AHNAK: variants seen among roughly 807,000 people sequenced by gnomAD.
The protein encoded by AHNAK is neuroblast differentiation-associated protein AHNAK.
A neutral mutation model predicts 37.8 loss-of-function variants in AHNAK; 23 were observed. The ratio of observed to expected loss-of-function variants is 0.61; its 90% confidence interval spans 0.44 to 0.86. The LOEUF is 0.86. Ranked by LOEUF, AHNAK falls within the 40% of genes least tolerant of loss-of-function variation. The pLI is 0.00. For synonymous variants in AHNAK, 2,481 were observed against 2,636.3 expected, an observed-to-expected ratio of 0.94 and a Z score of 1.80; for missense variants, 7,411 against 7,319.4, an observed-to-expected ratio of 1.01 and a Z score of -0.46.
At chr11:62,494,065 A>C (rs945516663) in intron 4 of AHNAK, among the ~76,000 whole-genome samples, 1 of 152,106 alleles carries the variant, frequency 6.6e-6, no homozygotes, top group African/African-American at 2.4e-5. Context: ...TAAATGAATG[A>C]ATGGTGTAAG....
rs755185026 is a variant in AHNAK, at chr11:62,531,707, C to G, written c.2710G>C (p.Ala904Pro). The change falls in exon 5 of 5, where the codon GCT becomes CCT. Residue 904 changes from alanine to proline, a missense_variant. Ala to Pro is a conservative substitution (Grantham distance 27). Transcript: ENST00000378024. Reference protein sequence around the residue: ...GPEVDVNLPKADVDISGPKVG... With the variant: ...GPEVDVNLPKPDVDISGPKVG... The stretch of plus-strand genomic sequence containing the variant: ...TTGGGTCCTGAGATGTCCACATCAG[C>G]CTTGGGCAGGTTCACATCCACTTCT... 6.6e-5 allele frequency: 107 copies of G among 1,614,090 alleles called. No homozygotes were observed. In the East Asian group the frequency reaches 2.3e-3, roughly 35 times the overall value.
At chr11:62,446,699 C>T (rs1419612800) in intron 5 of AHNAK, among the ~76,000 whole-genome samples, 1 of 151,908 alleles carries the variant, frequency 6.6e-6, no homozygotes. Context: ...CAAAAGGCAC[C>T]AGAATCTTCT....
rs927801718 is a variant in AHNAK, at chr11:62,530,436, A to G, written c.3981T>C (p.Asp1327=). 6.2e-7 allele frequency: 1 copy of G among 1,613,948 alleles called. No homozygotes were observed. The highest frequency in any genetic ancestry group is 1.1e-5 in the South Asian group (1 of 91,090). ...HFKAPKISMP[D]VDLNLKGPKL... ...TTGGCCCCTTAAGATTCAGGTCCAC[A>G]TCAGGCATGGAGATCTTGGGGGCCT... The change falls in exon 5 of 5, where the codon GAT becomes GAC. Residue 1327 remains aspartate (D), a synonymous_variant. Transcript: ENST00000378024.
Position 62,517,850 on chromosome 11 carries a change from T to A in AHNAK, c.16567A>T (p.Ile5523Phe). ...LPTGQISGPE[I>F]KGGLKGSEVG... ...TCTGAACCTTTCAGACCACCTTTGATTTCAGGCCCAGAAATCTGCCCAGTT... is the reference window on the plus strand; with the variant it reads ...TCTGAACCTTTCAGACCACCTTTGAATTCAGGCCCAGAAATCTGCCCAGTT... Residue 5523 changes from isoleucine (I) to phenylalanine (F), a missense_variant, in exon 5 of 5, where the codon ATC (isoleucine) becomes TTC (phenylalanine). Transcript: ENST00000378024. 1 of 1,614,164 alleles carries A rather than the reference T, an allele frequency of 6.2e-7. No individual in the cohort carries two copies. Among genetic ancestry groups the A allele is most frequent in the South Asian group, 1.1e-5 (1 of 91,078 alleles).
chr11:62,495,700 C>G (rs1304477486), intron 4 of AHNAK, among the ~76,000 whole-genome samples: 1 of 150,376 alleles, frequency 6.6e-6, no homozygotes, highest in African/African-American at 2.4e-5. Context: ...GATCACGCCA[C>G]TGCACTCCAG....
Position 62,527,430 on chromosome 11 carries a change from A to G in AHNAK, c.6987T>C (p.Asp2329=). 6.2e-7 allele frequency: 1 copy of G among 1,613,888 alleles called. No homozygotes were observed. The highest frequency in any genetic ancestry group is 8.5e-7 in the Non-Finnish European group (1 of 1,179,974). The part of the protein sequence containing the change: ...FNLKGPKIKG[D]VDVSAPKLEG... ...CCAGCTTTGGGGCAGAAACATCAAC[A>G]TCTCCTTTGATTTTGGGTCCCTTTA... is the stretch of plus-strand genomic sequence containing the variant. Residue 2329 remains aspartate (D), a synonymous_variant, in exon 5 of 5, where the codon GAT becomes GAC. Coordinates refer to ENST00000378024, the MANE Select transcript of AHNAK (RefSeq NM_001620.3).
rs778216944 is a variant in AHNAK at position 62,517,617 on chromosome 11, G to A, written c.16800C>T (p.Pro5600=). ...CCAAGTTGAGAGCAGAGGAGACTTG[G>A]GGTCCCTTCCACTCACCCCCGGAAC... ...VKGSGGEWKG[P]QVSSALNLDT... Residue 5600 remains proline (P), a synonymous_variant, in exon 5 of 5, where the codon CCC becomes CCT. Transcript: ENST00000378024. 8 of 1,614,070 alleles carry A rather than the reference G, an allele frequency of 5.0e-6. No individual in the cohort carries two copies. The highest frequency in any genetic ancestry group is 2.2e-5 in the South Asian group (2 of 91,074).
intron 5 of AHNAK, among the ~76,000 whole-genome samples, chr11:62,454,412 C>CAAAAAAAAAAAAAAACAAAAAAAAAAAAA (rs1938609423): frequency 7.9e-6 from 1 of 126,138 alleles, no homozygotes; most frequent in Non-Finnish European, 1.7e-5. Flanking sequence ...GACTCCATCT[C>CAAAAAAAAAAAAAAACAAAAAAAAAAAAA]AAAAAAAAAA....
rs200694756 is a variant in AHNAK at position 62,487,266 on chromosome 11, GGAT to G, written c.442+4463_442+4465del. Reference sequence around the variant, plus strand: ...TTTATCTTCACAACCACCATCTAAGGGATGTTATCATCCTGATCTCACAGATGA... The same window carrying G: ...TTTATCTTCACAACCACCATCTAAGGGTTATCATCCTGATCTCACAGATGA... On this transcript the variant is annotated intron_variant, in intron 5 of 5. Coordinates refer to the AHNAK transcript ENST00000257247. 5.9e-3 allele frequency among the ~76,000 whole-genome samples: 898 copies of G among 152,326 alleles called. 5 individuals carry two copies. The highest frequency in any genetic ancestry group is 0.02 in the African/African-American group (852 of 41,578).
downstream of AHNAK, among the ~76,000 whole-genome samples, chr11:62,514,084 C>T (rs1392586475): frequency 6.6e-6 from 1 of 152,066 alleles, no homozygotes; most frequent in African/African-American, 2.4e-5. Context: ...TCACTTCTTC[C>T]TAAAGTTAAA....
At position 62,521,213 on chromosome 11, in the gene AHNAK, C is replaced by G. The variant is rs114693563; in HGVS notation, c.13204G>C (p.Asp4402His). The change falls in exon 5 of 5, where the codon GAT becomes CAT. Residue 4402 changes from aspartate to histidine, a missense_variant. Transcript: ENST00000378024. Reference protein sequence around the residue: ...FNLKGPKVKGDVDVSLPKVEG... With the variant: ...FNLKGPKVKGHVDVSLPKVEG... The stretch of plus-strand genomic sequence containing the variant: ...ACTTTGGGCAGAGAGACATCCACAT[C>G]ACCTTTCACTTTGGGACCCTTCAAG... The G allele has an allele frequency of 2.0e-5, 32 of 1,614,070 alleles. No homozygotes were observed. The African/African-American group carries it at 3.7e-4, about 19-fold the overall frequency.
chr11:62,466,819 A>T (rs535835130), intron 5 of AHNAK, among the ~76,000 whole-genome samples: 2 of 152,342 alleles, frequency 1.3e-5, no homozygotes, highest in East Asian at 3.8e-4. Context: ...CCCCTGATAG[A>T]GAATTTGTGA....
chr11:62,435,434 A>G (rs751751477), intron 5 of AHNAK, among the ~76,000 whole-genome samples: 21 of 151,798 alleles, frequency 1.4e-4, no homozygotes, highest in Non-Finnish European at 7.4e-5. Flanking sequence ...TCTTTTTGAG[A>G]CGGAGTCTCG....
intron 4 of AHNAK, among the ~76,000 whole-genome samples, chr11:62,499,534 G>C (rs1304859798): frequency 6.6e-6 from 1 of 152,152 alleles, no homozygotes; most frequent in East Asian, 1.9e-4. Flanking sequence ...CTGGGCAACA[G>C]AGCAAGACTC....
Position 62,528,979 on chromosome 11 carries a change from G to A in AHNAK, c.5438C>T (p.Pro1813Leu), listed in dbSNP as rs756084082. The A allele has an allele frequency of 3.8e-5, 62 of 1,613,902 alleles. No homozygotes were observed. The highest frequency in any genetic ancestry group is 1.9e-4 in the South Asian group (17 of 91,072). Residue 1813 changes from proline to leucine, a missense_variant, in exon 5 of 5, where the codon CCG (proline) becomes CTG (leucine). By Grantham distance (98) the Pro-to-Leu change is moderately conservative. Coordinates refer to ENST00000378024, the MANE Select transcript of AHNAK (RefSeq NM_001620.3). ...VPELEGDLRG[P>L]QVDVKGPFVE... ...AAAAGGACCTTTGACATCAACTTGC[G>A]GCCCTCTGAGATCACCTTCCAGTTC...
At chr11:62,511,138 G>A (rs1388069804), downstream of AHNAK, among the ~76,000 whole-genome samples, 2 of 151,896 alleles carry the variant, frequency 1.3e-5, no homozygotes, top group East Asian at 3.9e-4. Context: ...CAAAACATTT[G>A]AGACAACTTC....
At position 62,532,135 on chromosome 11, in the gene AHNAK, C is replaced by G; in HGVS notation, c.2282G>C (p.Gly761Ala). ...KMKMPKFSVP[G>A]FKAEGPEVDV... is the part of the protein sequence containing the mutation. ...CACTTCTGGGCCCTCTGCTTTGAAC[C>G]CTGGCACACTGAATTTGGGCATTTT... The change falls in exon 5 of 5, where the codon GGG becomes GCG. Residue 761 changes from glycine (G) to alanine (A), a missense_variant. Gly to Ala is a moderately conservative substitution (Grantham distance 60, BLOSUM62 0). Transcript: ENST00000378024. 3 of 1,613,856 alleles carry G rather than the reference C, an allele frequency of 1.9e-6. No homozygotes were observed. The highest frequency in any genetic ancestry group is 2.5e-6 in the Non-Finnish European group (3 of 1,179,972).
chr11:62,499,060 T>C (rs1249534643), intron 4 of AHNAK, among the ~76,000 whole-genome samples: 1 of 152,164 alleles, frequency 6.6e-6, no homozygotes, highest in Non-Finnish European at 1.5e-5. Flanking sequence ...CTTCTCCCAC[T>C]TCCTTTGGTG....
At position 62,529,688 on chromosome 11, in the gene AHNAK, G is replaced by C. The variant is rs372422895; in HGVS notation, c.4729C>G (p.His1577Asp). ...CCAACATCAGGCATAGAGATTTTGTGCGTCTGTATATTCATGCTTGGCATC... is the reference window on the plus strand; with the variant it reads ...CCAACATCAGGCATAGAGATTTTGTCCGTCTGTATATTCATGCTTGGCATC... ...FKMPSMNIQT[H>D]KISMPDVGLN... Residue 1577 changes from histidine (H) to aspartate (D), a missense_variant, in exon 5 of 5, where the codon CAC becomes GAC. Physicochemically the swap from His to Asp is moderately conservative, Grantham distance 81 (BLOSUM62 -1). Transcript: ENST00000378024. The C allele has an allele frequency of 1.2e-6, 2 of 1,614,040 alleles. No homozygotes were observed. The highest frequency in any genetic ancestry group is 3.3e-5 in the Admixed American group (2 of 59,986).
Sources: allele counts gnomAD v4.1 joint callset (sites outside exome capture counted in the v4.1 genomes callset), GRCh38; gene constraint gnomAD v4.1.1; transcripts MANE v1.5; gene names NCBI Gene and HGNC (gene_info 2026-07-23, HGNC 2026-07-21).